RBFOX1: variants seen among roughly 807,000 people sequenced by gnomAD.
RBFOX1 encodes the protein RNA binding protein fox-1 homolog 1.
Under a neutral mutation model 57.7 loss-of-function variants are expected in RBFOX1, and 8 were observed. The ratio of observed to expected loss-of-function variants is 0.14; its 90% CI spans 0.08 to 0.25. The LOEUF (loss-of-function observed/expected upper bound fraction) is 0.25, where lower values mean the gene tolerates loss of function less well. RBFOX1 is among the 10% of genes least tolerant of loss of function. The pLI, the probability that RBFOX1 is intolerant of heterozygous loss-of-function variation, is 1.00. For synonymous variants in RBFOX1, 326 were observed against 222.4 expected (o/e 1.47, Z -4.15); for missense variants, 611 against 548.5 (o/e 1.11, Z -1.14).
intron 4 of RBFOX1, among the ~76,000 whole-genome samples, chr16:7,464,953 T>C (rs1453825264): frequency 6.6e-6 from 1 of 151,958 alleles, no homozygotes; most frequent in Non-Finnish European, 1.5e-5. Context: ...CACCTCGGCC[T>C]CCCAAAGTGC....
chr16:5,856,230 T>TATATAC (rs2057045979), intron 3 of RBFOX1, among the ~76,000 whole-genome samples: 7 of 65,076 alleles, frequency 1.1e-4, no homozygotes, highest in African/African-American at 4.4e-4. Context: ...TATATATATG[T>TATATAC]ATATATATGT....
rs146613102 is a variant in RBFOX1, at chr16:6,570,671, G to C, written c.-63-83932G>C. Among the ~76,000 whole-genome samples the C allele has an allele frequency of 3.0e-3, 454 of 152,260 alleles. 1 individual carries two copies. The highest frequency in any genetic ancestry group is 4.1e-3 in the Non-Finnish European group (279 of 68,018). Reference sequence around the variant, plus strand: ...ATTTAGGCTTGGCTAAAAATTATCAGTCATATGTAGATGATTTTGCAGTAT... The same window carrying C: ...ATTTAGGCTTGGCTAAAAATTATCACTCATATGTAGATGATTTTGCAGTAT... On this transcript the variant is annotated intron_variant, in intron 2 of 15. Transcript: ENST00000550418.
chr16:7,600,403 C>G (rs2094949886), intron 9 of RBFOX1, among the ~76,000 whole-genome samples: 3 of 152,180 alleles, frequency 2.0e-5, no homozygotes, highest in Admixed American at 1.3e-4. Flanking sequence ...AGGAGTATCA[C>G]CACTACAGAT....
intron 4 of RBFOX1, among the ~76,000 whole-genome samples, chr16:7,368,641 G>T (rs541523106): frequency 2.0e-5 from 3 of 151,656 alleles, no homozygotes; most frequent in African/African-American, 4.8e-5. Context: ...TTAGCCAGGC[G>T]TGGTGGCGGG....
chr16:6,799,812 G>A (rs186059970), intron 3 of RBFOX1, among the ~76,000 whole-genome samples: 2,489 of 152,154 alleles, frequency 0.016, 77 homozygotes, highest in African/African-American at 0.057. Context: ...AGAGGCTCTT[G>A]GGACTTTAGC....
chr16:5,717,308 A>T (rs562819400), intron 3 of RBFOX1, among the ~76,000 whole-genome samples: 1 of 151,918 alleles, frequency 6.6e-6, no homozygotes, highest in East Asian at 1.9e-4. Context: ...TTACTTGATT[A>T]TCTCAATAAG....
chr16:5,856,237 ATG>A lies in RBFOX1; in HGVS notation c.319-11062_319-11061del, dbSNP rs1236752649. ...TATATGTATATATATATGTATATAT[ATG>A]TGTATATATATGTATATATATGTAT... On this transcript the variant is annotated intron_variant, in intron 3 of 19. Transcript: ENST00000641259. Among the ~76,000 whole-genome samples, 283 of 53,290 alleles carry A rather than the reference ATG, an allele frequency of 5.3e-3. 6 individuals carry two copies. Among genetic ancestry groups the A allele is most frequent in the African/African-American group, 0.016 (252 of 15,552 alleles). The allele number at this position is 53,290 out of a possible 152,430, so 35.0% of individuals were successfully genotyped here.
At chr16:7,173,310 A>T (rs1215918093) in intron 4 of RBFOX1, among the ~76,000 whole-genome samples, 2 of 152,170 alleles carry the variant, frequency 1.3e-5, no homozygotes, top group Non-Finnish European at 2.9e-5. Flanking sequence ...ATTTGAAGAA[A>T]CTAATAGCTG....
intron 2 of RBFOX1, among the ~76,000 whole-genome samples, chr16:6,652,761 G>C (rs1371118179): frequency 6.6e-6 from 1 of 152,098 alleles, no homozygotes; most frequent in Non-Finnish European, 1.5e-5. Context: ...GGGGCTCTGG[G>C]AGGGGAAGTG....
intron 2 of RBFOX1, among the ~76,000 whole-genome samples, chr16:5,484,394 A>G (rs2069653804): frequency 6.6e-6 from 1 of 152,220 alleles, no homozygotes; most frequent in Non-Finnish European, 1.5e-5. Context: ...AATGAGTGAG[A>G]GAGGGCACCC....
intron 4 of RBFOX1, among the ~76,000 whole-genome samples, chr16:7,488,512 TCTAC>T (rs2066020940): frequency 6.6e-6 from 1 of 152,230 alleles, no homozygotes; most frequent in African/African-American, 2.4e-5. Context: ...TCATCCATTG[TCTAC>T]CTATCTACTA....
chr16:7,343,140 A>C (rs1048588240), intron 4 of RBFOX1, among the ~76,000 whole-genome samples: 3 of 152,146 alleles, frequency 2.0e-5, no homozygotes, highest in African/African-American at 7.2e-5. Context: ...CAGCTCTGGC[A>C]CACCGTGGGC....
chr16:6,899,015 GTC>G (rs1491248481), intron 3 of RBFOX1, among the ~76,000 whole-genome samples: 5 of 47,936 alleles, frequency 1.0e-4, no homozygotes, highest in South Asian at 6.8e-4. Context: ...ATGCATGCGC[GTC>G]TCTGTGTGTG....
intron 2 of RBFOX1, among the ~76,000 whole-genome samples, chr16:5,493,092 G>A (rs1440411485): frequency 6.6e-6 from 1 of 152,236 alleles, no homozygotes; most frequent in African/African-American, 2.4e-5. Context: ...TAGCAGAGCT[G>A]AGAAGATGTG....
intron 4 of RBFOX1, among the ~76,000 whole-genome samples, chr16:7,097,426 C>G (rs1255327799): frequency 6.6e-6 from 1 of 152,066 alleles, no homozygotes; most frequent in Non-Finnish European, 1.5e-5. Flanking sequence ...CATGCAACAC[C>G]CTGGCATTAA....
intron 4 of RBFOX1, among the ~76,000 whole-genome samples, chr16:5,932,185 A>C (rs2059074494): frequency 6.6e-6 from 1 of 152,184 alleles, no homozygotes; most frequent in Admixed American, 6.5e-5. Context: ...TTAAAAGCCG[A>C]GAATTTTCTG....
At chr16:5,257,885 G>C (rs2062629511) in intron 1 of RBFOX1, among the ~76,000 whole-genome samples, 2 of 152,048 alleles carry the variant, frequency 1.3e-5, no homozygotes, top group African/African-American at 4.8e-5. Flanking sequence ...GTTTTTGTTT[G>C]CTTGTTTCTT....
intron 7 of RBFOX1, among the ~76,000 whole-genome samples, chr16:7,595,323 G>T (rs1033841705): frequency 6.6e-6 from 1 of 151,870 alleles, no homozygotes; most frequent in African/African-American, 2.4e-5. Flanking sequence ...ATCCTTCTTT[G>T]AATACTTCAG....
chr16:7,117,325 G>A (rs964511176), intron 4 of RBFOX1, among the ~76,000 whole-genome samples: 6 of 152,042 alleles, frequency 3.9e-5, no homozygotes, highest in African/African-American at 9.7e-5. Context: ...CTTTTGATTC[G>A]GTGGTAATGT....
Sources: gnomAD v4.1 joint callset for allele counts (sites outside exome capture counted in the v4.1 genomes callset) on GRCh38, gnomAD v4.1.1 for gene constraint, MANE v1.5 for transcripts, NCBI Gene and HGNC (gene_info 2026-07-23, HGNC 2026-07-21) for gene names.